The following SMYD3 variants were observed in gnomAD, a reference collection of about 807,000 sequenced individuals.
SMYD3 encodes SET and MYND domain containing 3, also known as histone-lysine N-methyltransferase SMYD3.
In SMYD3, 36 loss-of-function variants were observed where a neutral mutation model predicts 57.7. That is an observed-to-expected ratio of 0.62 (90% confidence interval 0.48 to 0.82). SMYD3 has a LOEUF of 0.82. SMYD3 is among the 40% of genes least tolerant of loss of function. The probability of loss-of-function intolerance (pLI) is 0.00; values close to 1 mark genes in which losing one functional copy is unlikely to be tolerated. For missense variants in SMYD3, 515 were observed against 538.8 expected (o/e 0.96, Z 0.44); for synonymous variants, 211 against 195.0 (o/e 1.08, Z -0.68).
chr1:246,310,947 C>T (rs533445909), intron 5 of SMYD3, among the ~76,000 whole-genome samples: 12 of 152,140 alleles, frequency 7.9e-5, no homozygotes, highest in Admixed American at 4.6e-4. Context: ...GGATTACAGG[C>T]GTGACCCACC....
chr1:246,445,382 T>C (rs2067537570), intron 1 of SMYD3, among the ~76,000 whole-genome samples: 1 of 152,212 alleles, frequency 6.6e-6, no homozygotes. Context: ...AGACATATTT[T>C]CAACTACAGG....
At chr1:245,984,074 A>C (rs1482919797) in intron 5 of SMYD3, among the ~76,000 whole-genome samples, 1 of 145,320 alleles carries the variant, frequency 6.9e-6, no homozygotes, top group Admixed American at 7.3e-5. Flanking sequence ...GTCTCGGCTC[A>C]CTGCAACCTC....
intron 5 of SMYD3, among the ~76,000 whole-genome samples, chr1:246,067,867 AT>A (rs1242758121): frequency 1.3e-5 from 2 of 152,146 alleles, no homozygotes; most frequent in Non-Finnish European, 2.9e-5. Context: ...CGTCAGCATC[AT>A]GTGGCAGGAA....
chr1:246,502,457 A>T (rs573946946), intron 1 of SMYD3, among the ~76,000 whole-genome samples: 4 of 152,140 alleles, frequency 2.6e-5, no homozygotes, highest in Admixed American at 1.3e-4. Context: ...AACTCATCTA[A>T]TCTGTCTCCT....
At chr1:246,454,664 A>G (rs929398005) in intron 1 of SMYD3, among the ~76,000 whole-genome samples, 47 of 152,338 alleles carry the variant, frequency 3.1e-4, no homozygotes, top group Middle Eastern at 6.8e-3. Flanking sequence ...TTATCATCCT[A>G]TTTCATTAAA....
At chr1:246,342,838 C>A (rs1311192617) in intron 2 of SMYD3, among the ~76,000 whole-genome samples, 1 of 152,092 alleles carries the variant, frequency 6.6e-6, no homozygotes, top group Non-Finnish European at 1.5e-5. Context: ...AAGTGAGGAA[C>A]CTATAATATG....
intron 2 of SMYD3, among the ~76,000 whole-genome samples, chr1:246,348,580 C>T (rs1376412252): frequency 2.0e-5 from 3 of 151,844 alleles, no homozygotes; most frequent in Non-Finnish European, 4.4e-5. Context: ...ATGGGAACAA[C>T]AGACATTGGA....
chr1:245,842,178 G>A (rs995501110), intron 10 of SMYD3, among the ~76,000 whole-genome samples: 6 of 152,152 alleles, frequency 3.9e-5, no homozygotes, highest in Non-Finnish European at 5.9e-5. Flanking sequence ...TTCTCCGAAC[G>A]TATCCCCATT....
intron 5 of SMYD3, among the ~76,000 whole-genome samples, chr1:246,307,856 G>A (rs1193197175): frequency 1.3e-5 from 2 of 152,112 alleles, no homozygotes. Flanking sequence ...AAACAGGCAC[G>A]TCCGTCAAGC....
At chr1:245,898,341 G>A (rs754365926) in intron 8 of SMYD3, among the ~76,000 whole-genome samples, 11 of 152,214 alleles carry the variant, frequency 7.2e-5, no homozygotes, top group Admixed American at 1.3e-4. Context: ...GAATGTGTGC[G>A]TGTAAGCTAC....
chr1:245,890,332 C>G (rs2053312034), intron 8 of SMYD3, among the ~76,000 whole-genome samples: 1 of 152,166 alleles, frequency 6.6e-6, no homozygotes, highest in Non-Finnish European at 1.5e-5. Context: ...AACTACCCAT[C>G]TGACAAGGAA....
intron 5 of SMYD3, among the ~76,000 whole-genome samples, chr1:246,047,509 G>T (rs1009062419): frequency 6.6e-6 from 1 of 152,162 alleles, no homozygotes; most frequent in Non-Finnish European, 1.5e-5. Context: ...ATACACAAAA[G>T]AATTTCTAGA....
At chr1:246,391,442 A>AGGAGAGAGGGAAAAAGGAGAGGG (rs376646373) in intron 1 of SMYD3, among the ~76,000 whole-genome samples, 2 of 137,350 alleles carry the variant, frequency 1.5e-5, no homozygotes, top group African/African-American at 2.8e-5. Context: ...GAGAGAGAGA[A>AGGAGAGAGGGAAAAAGGAGAGGG]GGAGAGAGGG....
chr1:245,790,748 A>G (rs1222813914), intron 10 of SMYD3, among the ~76,000 whole-genome samples: 12 of 152,248 alleles, frequency 7.9e-5, no homozygotes, highest in Admixed American at 7.9e-4. Context: ...ATTTTGGGAA[A>G]GATGACTGAA....
rs970831919 is a variant in SMYD3 at position 246,355,635 on chromosome 1, C to A, written c.165-541G>T. Among the ~76,000 whole-genome samples, 3 of 152,104 alleles carry A rather than the reference C, an allele frequency of 2.0e-5. No individual in the cohort carries two copies. The highest frequency in any genetic ancestry group is 7.2e-5 in the African/African-American group (3 of 41,426). On this transcript the variant is annotated intron_variant, in intron 1 of 11. Coordinates refer to ENST00000490107, the MANE Select transcript of SMYD3 (RefSeq NM_001167740.2). This position sits in a 1 kb window ranked among gnomAD's most constrained non-coding sequence, Gnocchi z 5.0. ...GGAGTGAGACCAGCCTTTAGGACTG[C>A]GGGCTGTGTGGGAGTGGGATGAGGC...
chr1:245,908,116 T>C (rs556611271), intron 8 of SMYD3, among the ~76,000 whole-genome samples: 2 of 150,900 alleles, frequency 1.3e-5, no homozygotes, highest in Non-Finnish European at 3.0e-5. Flanking sequence ...AACGTGGTGA[T>C]AGAGTGAGAC....
At chr1:246,246,835 T>TACATATATACTATATATATATGTAAC (rs1386095273) in intron 5 of SMYD3, among the ~76,000 whole-genome samples, 6 of 143,356 alleles carry the variant, frequency 4.2e-5, no homozygotes, top group Admixed American at 1.5e-4. Flanking sequence ...ATATATTTTA[T>TACATATATACTATATATATATGTAAC]ACATATATAC....
At chr1:246,152,592 AT>A (rs1377652972) in intron 5 of SMYD3, among the ~76,000 whole-genome samples, 2 of 152,180 alleles carry the variant, frequency 1.3e-5, no homozygotes, top group Non-Finnish European at 2.9e-5. Context: ...ATTGCATGTA[AT>A]TTCATTCTAA....
chr1:246,014,769 C>CA, intron 5 of SMYD3, among the ~76,000 whole-genome samples: 1 of 152,204 alleles, frequency 6.6e-6, no homozygotes, highest in African/African-American at 2.4e-5. Context: ...AGCGCTTTGA[C>CA]ATCCTGAACT....
Sources: allele counts gnomAD v4.1 joint callset (sites outside exome capture counted in the v4.1 genomes callset), GRCh38; gene constraint gnomAD v4.1.1; non-coding constraint Gnocchi (gnomAD v3.1); transcripts MANE v1.5; gene names NCBI Gene and HGNC (gene_info 2026-07-23, HGNC 2026-07-21).